KATNBL1: variants seen among roughly 807,000 people sequenced by gnomAD.
The protein encoded by KATNBL1 is KATNB1-like protein 1.
KATNBL1 carries 28 observed loss-of-function variants against 44.7 expected under a neutral mutation model. The ratio of observed to expected loss-of-function variants is 0.63; its 90% CI spans 0.46 to 0.86. KATNBL1 has a LOEUF of 0.86. Among genes scored for constraint, KATNBL1 ranks in the 40% least tolerant of loss-of-function variants. The probability of loss-of-function intolerance (pLI) is 0.00; values close to 1 mark genes in which losing one functional copy is unlikely to be tolerated. For missense variants in KATNBL1, 272 were observed against 350.7 expected, an observed-to-expected ratio of 0.78 and a Z score of 1.79; for synonymous variants, 78 against 114.9, an observed-to-expected ratio of 0.68 and a Z score of 2.06.
At chr15:34,202,111 C>T (rs566743542) in intron 1 of KATNBL1, among the ~76,000 whole-genome samples, 11 of 152,280 alleles carry the variant, frequency 7.2e-5, no homozygotes, top group South Asian at 6.2e-4. Flanking sequence ...TGAATGTATA[C>T]ATACATAAAA....
chr15:34,140,843 C>T lies in KATNBL1; in HGVS notation c.*1496G>A, dbSNP rs1420145684. The T allele has an allele frequency of 6.6e-6, 1 of 151,990 alleles. No homozygotes were observed. Among genetic ancestry groups the T allele is most frequent in the African/African-American group, 2.4e-5 (1 of 41,394 alleles). 9.4% of individuals were successfully genotyped at this position (151,990 alleles called of 1,614,324 possible). ...ATAATCTAAAGACTTAAGGAAATAA[C>T]CAATTATTACAATTCATGTTCACTG... is the stretch of plus-strand genomic sequence containing the variant. On this transcript the variant is annotated 3_prime_UTR_variant, in exon 10 of 10. Coordinates refer to ENST00000256544, the MANE Select transcript of KATNBL1 (RefSeq NM_024713.3).
chr15:34,151,029 A>AT (rs1289029290), intron 4 of KATNBL1, among the ~76,000 whole-genome samples: 35 of 152,224 alleles, frequency 2.3e-4, no homozygotes, highest in African/African-American at 8.2e-4. Context: ...ATTTCGATTG[A>AT]TTCCTTGTCT....
At chr15:34,203,759 C>T (rs969221710) in intron 1 of KATNBL1, among the ~76,000 whole-genome samples, 13 of 152,222 alleles carry the variant, frequency 8.5e-5, no homozygotes, top group African/African-American at 2.4e-4. Context: ...ACGATCTCAG[C>T]TCACTGCAAC....
At chr15:34,163,804 T>A (rs1888882285) in intron 1 of KATNBL1, 114 bp from the exon 2 acceptor site, 2 of 534,852 alleles carry the variant, frequency 3.7e-6, no homozygotes, top group South Asian at 7.6e-5. Context: ...GCAGAGGACA[T>A]CATTTTAATT....
In KATNBL1 at chr15:34,152,994, G is replaced by C. The variant is rs112492109; in HGVS notation, c.234C>G (p.Pro78=). 13 of 1,613,716 alleles carry C rather than the reference G, an allele frequency of 8.1e-6. No homozygotes were observed. The highest frequency in any genetic ancestry group is 2.7e-5 in the African/African-American group (2 of 74,924). The change falls in exon 4 of 10, where the codon CCC becomes CCG. Residue 78 remains proline (P), a synonymous_variant. Transcript: ENST00000256544. ...TTTTTCTGTAACAAGGATTTGGAAA[G>C]GGATGATGAACTTTCTTTCTGCGAT... ...VIYRRKKVHH[P]FPNPCYRKKQ...
chr15:34,143,966 CAAAAAAA>C (rs61591705), intron 9 of KATNBL1, among the ~76,000 whole-genome samples: 1 of 66,404 alleles, frequency 1.5e-5, no homozygotes, highest in Admixed American at 2.6e-4. Flanking sequence ...GATTCCATCT[CAAAAAAA>C]AAAAAAAAAA....
intron 1 of KATNBL1, among the ~76,000 whole-genome samples, chr15:34,202,323 G>C (rs1192812852): frequency 1.3e-5 from 2 of 152,138 alleles, no homozygotes; most frequent in Non-Finnish European, 1.5e-5. Context: ...TACGACACTT[G>C]TGCCTAATTT....
In KATNBL1 at chr15:34,171,953, G is replaced by A. The variant is rs568928319; in HGVS notation, c.-14-8263C>T. On this transcript the variant is annotated intron_variant, in intron 1 of 9. Transcript: ENST00000256544. ...GCCTGTCATGGGGTGGGGGGTGGGG[G>A]AGGGACAGCATTAGAAATACCTAAT... Among the ~76,000 whole-genome samples the A allele has an allele frequency of 7.6e-5, 10 of 132,192 alleles. No individual in the cohort carries two copies. The South Asian group carries it at 2.6e-3, about 34-fold the overall frequency. 86.7% of individuals were successfully genotyped at this position (132,192 alleles called of 152,430 possible).
chr15:34,178,755 C>CAA (rs59061813), intron 1 of KATNBL1, among the ~76,000 whole-genome samples: 27,000 of 118,858 alleles, frequency 0.23, 2,862 homozygotes, highest in South Asian at 0.29. Context: ...GACTCTGTCT[C>CAA]AAAAAAAAAA....
At chr15:34,196,732 A>T (rs1890040107) in intron 1 of KATNBL1, among the ~76,000 whole-genome samples, 1 of 152,046 alleles carries the variant, frequency 6.6e-6, no homozygotes, top group Non-Finnish European at 1.5e-5. Context: ...CGTCTCAAAA[A>T]GAAAGAAAGA....
intron 1 of KATNBL1, among the ~76,000 whole-genome samples, chr15:34,182,094 AG>A (rs1191454640): frequency 6.6e-6 from 1 of 151,998 alleles, no homozygotes; most frequent in African/African-American, 2.4e-5. Context: ...AACGAAAACA[AG>A]TAAGAGTCTG....
intron 1 of KATNBL1, among the ~76,000 whole-genome samples, chr15:34,181,204 T>C (rs1415406435): frequency 2.0e-5 from 3 of 152,140 alleles, no homozygotes; most frequent in African/African-American, 7.2e-5. Context: ...GTTAAACTAT[T>C]TCCTGGAATT....
At chr15:34,153,105 AC>A in intron 3 of KATNBL1, 36 bp from the exon 4 acceptor site, 1 of 1,493,292 alleles carries the variant, frequency 6.7e-7, no homozygotes, top group Non-Finnish European at 9.1e-7. Flanking sequence ...ATGAAAAAGA[AC>A]CATATGAAAT....
At chr15:34,187,683 T>G (rs1198618976) in intron 1 of KATNBL1, among the ~76,000 whole-genome samples, 4 of 152,182 alleles carry the variant, frequency 2.6e-5, no homozygotes, top group African/African-American at 9.7e-5. Flanking sequence ...AACATCATTG[T>G]CCACATAGCC....
rs561989641 is a variant in KATNBL1, at chr15:34,200,245, T to TTC, written c.-15+9704_-15+9705dup. On this transcript the variant is annotated intron_variant, in intron 1 of 9. Coordinates refer to ENST00000256544, the MANE Select transcript of KATNBL1 (RefSeq NM_024713.3). Reference sequence around the variant, plus strand: ...CTGAATGATGATTCATCACACCACTTTCTCTCTCTCTCTTCTTTTTTTTTT... The same window carrying TTC: ...CTGAATGATGATTCATCACACCACTTTCTCTCTCTCTCTCTTCTTTTTTTTTT... Among the ~76,000 whole-genome samples the TTC allele has an allele frequency of 5.4e-3, 820 of 151,798 alleles. 9 individuals carry two copies. The highest frequency in any genetic ancestry group is 0.019 in the African/African-American group (770 of 41,400).
chr15:34,183,613 C>A (rs1889627323), intron 1 of KATNBL1, among the ~76,000 whole-genome samples: 1 of 151,760 alleles, frequency 6.6e-6, no homozygotes, highest in African/African-American at 2.4e-5. Flanking sequence ...AACCTGCAGA[C>A]AATAAAATAC....
At chr15:34,170,629 A>C (rs1463686792) in intron 1 of KATNBL1, among the ~76,000 whole-genome samples, 10 of 152,248 alleles carry the variant, frequency 6.6e-5, no homozygotes, top group Non-Finnish European at 4.4e-5. Flanking sequence ...TGCATTGCCA[A>C]GACAATCCTA....
intron 1 of KATNBL1, among the ~76,000 whole-genome samples, chr15:34,170,269 A>C (rs573235808): frequency 1.3e-5 from 2 of 152,240 alleles, no homozygotes; most frequent in Non-Finnish European, 2.9e-5. Context: ...ATGTGCAAAA[A>C]TCAAAAGCAT....
At chr15:34,147,021 A>G in intron 7 of KATNBL1, 171 bp from the exon 8 acceptor site, 1 of 642,756 alleles carries the variant, frequency 1.6e-6, no homozygotes, top group Non-Finnish European at 2.8e-6. Context: ...TAATTTGTTT[A>G]GAGATGCTTT....
Sources: gnomAD v4.1 joint callset for allele counts (sites outside exome capture counted in the v4.1 genomes callset) on GRCh38, gnomAD v4.1.1 for gene constraint, MANE v1.5 for transcripts, NCBI Gene and HGNC (gene_info 2026-07-23, HGNC 2026-07-21) for gene names.